ATG10: variants seen among roughly 807,000 people sequenced by gnomAD.
The protein encoded by ATG10 is ubiquitin-like-conjugating enzyme ATG10.
ATG10 carries 30 observed loss-of-function variants against 32.1 expected under a neutral mutation model. The observed-to-expected ratio is 0.94, with a 90% CI of 0.70 to 1.27. The LOEUF (loss-of-function observed/expected upper bound fraction) is 1.27, where lower values mean the gene tolerates loss of function less well. Among genes scored for constraint, ATG10 ranks in the 50% most tolerant of loss-of-function variants. The pLI is 0.00. For missense variants in ATG10, 233 were observed against 262.3 expected (o/e 0.89, Z 0.77); for synonymous variants, 87 against 91.5 (o/e 0.95, Z 0.28).
intron 3 of ATG10, among the ~76,000 whole-genome samples, chr5:82,112,521 A>T (rs923419566): frequency 6.6e-6 from 1 of 151,798 alleles, no homozygotes; most frequent in African/African-American, 2.4e-5. Context: ...TCAAAATTCT[A>T]TTTGTTAATT....
intron 2 of ATG10, among the ~76,000 whole-genome samples, chr5:82,033,284 T>G (rs1283441378): frequency 1.3e-5 from 2 of 152,090 alleles, no homozygotes; most frequent in Non-Finnish European, 2.9e-5. Context: ...AATGATAGTT[T>G]ACATTTTGAT....
chr5:82,215,414 G>A (rs1745638560), intron 5 of ATG10, among the ~76,000 whole-genome samples: 1 of 152,158 alleles, frequency 6.6e-6, no homozygotes, highest in African/African-American at 2.4e-5. Context: ...AGTAGATCCA[G>A]CCCATACGCA....
At chr5:82,065,511 T>C (rs1277961489) in intron 3 of ATG10, among the ~76,000 whole-genome samples, 6 of 151,710 alleles carry the variant, frequency 4.0e-5, no homozygotes, top group Non-Finnish European at 5.9e-5. Context: ...AAAATATAAA[T>C]GAATAATTTC....
chr5:82,056,405 G>A (rs1474582434), intron 2 of ATG10, among the ~76,000 whole-genome samples: 2 of 144,476 alleles, frequency 1.4e-5, no homozygotes, highest in Middle Eastern at 7.0e-3. Flanking sequence ...AGCCAACTTC[G>A]TTTAATTACA....
At chr5:82,163,462 G>A (rs967239605) in intron 3 of ATG10, among the ~76,000 whole-genome samples, 2 of 152,146 alleles carry the variant, frequency 1.3e-5, no homozygotes, top group Non-Finnish European at 2.9e-5. Flanking sequence ...ATTTCATATT[G>A]ATAAAGTATG....
At chr5:82,083,092 T>A (rs1764540962) in intron 3 of ATG10, among the ~76,000 whole-genome samples, 1 of 152,214 alleles carries the variant, frequency 6.6e-6, no homozygotes, top group South Asian at 2.1e-4. Flanking sequence ...AAAGGGAAGC[T>A]GTGACAGATG....
chr5:82,016,843 C>G (rs1417572415), intron 2 of ATG10, among the ~76,000 whole-genome samples: 1 of 152,058 alleles, frequency 6.6e-6, no homozygotes, highest in Non-Finnish European at 1.5e-5. Flanking sequence ...CGCCTGCCAC[C>G]ACGCCTGGCT....
chr5:82,186,155 T>G (rs1334753518), intron 5 of ATG10, among the ~76,000 whole-genome samples: 1 of 152,232 alleles, frequency 6.6e-6, no homozygotes, highest in Admixed American at 6.5e-5. Flanking sequence ...CAGCTTCCTT[T>G]GCAGGCTTCC....
chr5:82,103,334 T>G (rs1164938804), intron 3 of ATG10, among the ~76,000 whole-genome samples: 1 of 152,186 alleles, frequency 6.6e-6, no homozygotes, highest in Non-Finnish European at 1.5e-5. Context: ...TTCTTTTGTA[T>G]TCTAAAATGA....
intron 2 of ATG10, among the ~76,000 whole-genome samples, chr5:82,005,942 G>T (rs181826468): frequency 3.4e-4 from 52 of 152,106 alleles, no homozygotes; most frequent in African/African-American, 1.1e-3. Flanking sequence ...AAACATACTT[G>T]ATTATAATTT....
rs188351584 is a variant in ATG10, at chr5:82,064,207, G to A, written c.216+5605G>A. On this transcript the variant is annotated intron_variant, in intron 3 of 7. Coordinates refer to ENST00000282185, the MANE Select transcript of ATG10 (RefSeq NM_031482.5). ...AACATTATTTTTCATTTCAACCATC[G>A]CTGATCAAAAGATACTTCAACTCTG... is the stretch of plus-strand genomic sequence containing the variant. Among the ~76,000 whole-genome samples the A allele has an allele frequency of 3.9e-5, 6 of 152,124 alleles. No homozygotes were observed. In the South Asian group the frequency reaches 6.2e-4, roughly 16 times the overall value.
At chr5:82,038,838 A>G (rs1473235808) in intron 2 of ATG10, among the ~76,000 whole-genome samples, 3 of 152,136 alleles carry the variant, frequency 2.0e-5, no homozygotes, top group Non-Finnish European at 4.4e-5. Context: ...CTCTTCCTAT[A>G]TAAGTGATAT....
intron 2 of ATG10, among the ~76,000 whole-genome samples, chr5:82,055,984 G>A (rs1052906603): frequency 6.6e-6 from 1 of 152,154 alleles, no homozygotes; most frequent in Admixed American, 6.6e-5. Flanking sequence ...GTATGTAGGA[G>A]GCCATACCAT....
chr5:82,085,158 C>CA (rs1764631739), intron 3 of ATG10, among the ~76,000 whole-genome samples: 2 of 150,892 alleles, frequency 1.3e-5, no homozygotes, highest in East Asian at 1.9e-4. Flanking sequence ...AAATGGAAAA[C>CA]AAAAAAAAGC....
At chr5:82,002,436 T>C (rs1025464081) in intron 2 of ATG10, among the ~76,000 whole-genome samples, 4 of 152,056 alleles carry the variant, frequency 2.6e-5, no homozygotes, top group African/African-American at 9.7e-5. Flanking sequence ...ATGATACACA[T>C]ACACTATGGA....
At chr5:82,172,447 G>A (rs1300845935) in intron 4 of ATG10, among the ~76,000 whole-genome samples, 1 of 152,052 alleles carries the variant, frequency 6.6e-6, no homozygotes, top group African/African-American at 2.4e-5. Context: ...AGAGTTTCGA[G>A]GATCCTGAGC....
intron 3 of ATG10, among the ~76,000 whole-genome samples, chr5:82,140,099 C>T (rs1439662847): frequency 1.4e-4 from 17 of 121,016 alleles, no homozygotes; most frequent in South Asian, 5.1e-4. Flanking sequence ...CCAGCCGCCC[C>T]GTCTGGGAGG....
intron 3 of ATG10, among the ~76,000 whole-genome samples, chr5:82,071,698 T>A (rs970375310): frequency 6.6e-6 from 1 of 152,020 alleles, no homozygotes; most frequent in African/African-American, 2.4e-5. Context: ...GGAAAGTAAT[T>A]GTCAGTAGAA....
intron 2 of ATG10, chr5:82,010,019 T>C: frequency 6.2e-7 from 1 of 1,609,570 alleles, no homozygotes; most frequent in Non-Finnish European, 8.5e-7. Context: ...CCTTGTCAGC[T>C]AACAGCTCAA....
Sources: allele counts gnomAD v4.1 joint callset (sites outside exome capture counted in the v4.1 genomes callset), GRCh38; gene constraint gnomAD v4.1.1; transcripts MANE v1.5; gene names NCBI Gene and HGNC (gene_info 2026-07-23, HGNC 2026-07-21).